Variants in ROBO2 observed in about 807,000 individuals in gnomAD.
The protein encoded by ROBO2 is roundabout guidance receptor 2, also known as roundabout homolog 2.
Under a neutral mutation model 160.8 loss-of-function variants are expected in ROBO2, and 53 were observed. The ratio of observed to expected loss-of-function variants is 0.33; its 90% CI spans 0.26 to 0.41. The LOEUF (loss-of-function observed/expected upper bound fraction) is 0.41. Among genes scored for constraint, ROBO2 ranks in the 10% least tolerant of loss-of-function variants. The probability of loss-of-function intolerance (pLI) is 1.00; values close to 1 mark genes in which losing one functional copy is unlikely to be tolerated. For missense variants in ROBO2, 1,577 were observed against 1,722.4 expected (o/e 0.92, Z 1.49); for synonymous variants, 664 against 611.7 (o/e 1.09, Z -1.26).
At chr3:77,188,630 T>C (rs2081506868) in intron 2 of ROBO2, among the ~76,000 whole-genome samples, 1 of 151,884 alleles carries the variant, frequency 6.6e-6, no homozygotes, top group Non-Finnish European at 1.5e-5. Context: ...ATACACCCTT[T>C]TCAGGATAAA....
chr3:77,452,250 G>C (rs1056661248), intron 2 of ROBO2, among the ~76,000 whole-genome samples: 1 of 152,100 alleles, frequency 6.6e-6, no homozygotes, highest in African/African-American at 2.4e-5. Context: ...CTCATTCATC[G>C]TGAGCAGAAG....
At chr3:77,481,101 C>A (rs753038257) in exon 4 of ROBO2, 10 of 1,611,460 alleles carry the variant, frequency 6.2e-6, no homozygotes, top group Non-Finnish European at 8.5e-6. Flanking sequence ...TTTAACAGAT[C>A]CGTGGTGGAA....
intron 2 of ROBO2, among the ~76,000 whole-genome samples, chr3:76,602,422 C>T (rs776436381): frequency 1.1e-4 from 16 of 152,100 alleles, no homozygotes; most frequent in Admixed American, 3.3e-4. Flanking sequence ...AAAGGCATAC[C>T]CAAGACCTGG....
At chr3:77,606,830 T>G (rs953746630) in intron 20 of ROBO2, among the ~76,000 whole-genome samples, 16 of 152,192 alleles carry the variant, frequency 1.1e-4, no homozygotes, top group Non-Finnish European at 2.4e-4. Context: ...GTAAGATTTT[T>G]GGCAGATATT....
At chr3:77,046,305 AT>A (rs2064663941) in intron 1 of ROBO2, among the ~76,000 whole-genome samples, 1 of 152,206 alleles carries the variant, frequency 6.6e-6, no homozygotes, top group South Asian at 2.1e-4. Context: ...AAGTGAAACA[AT>A]TTTATATTAT....
At chr3:76,493,013 T>G (rs2079919282) in intron 2 of ROBO2, among the ~76,000 whole-genome samples, 1 of 152,054 alleles carries the variant, frequency 6.6e-6, no homozygotes, top group Non-Finnish European at 1.5e-5. Context: ...AGTTGAAGTA[T>G]TTGCACTCAC....
At chr3:76,041,925 C>T (rs867472028) in intron 2 of ROBO2, among the ~76,000 whole-genome samples, 9 of 150,700 alleles carry the variant, frequency 6.0e-5, no homozygotes, top group South Asian at 4.2e-4. Context: ...TCTTGATCAT[C>T]GGAAATCTCA....
Position 76,577,697 on chromosome 3 carries a change from C to T in ROBO2, c.110-520317C>T, listed in dbSNP as rs367714896. ...GGGAAGACATCTGAATTGAGGATTT[C>T]GATTTCTGCAGTATTTGGATTTAGA... is the stretch of plus-strand genomic sequence containing the variant. On this transcript the variant is annotated intron_variant, in intron 2 of 26. Coordinates refer to the ROBO2 transcript ENST00000487694. Among the ~76,000 whole-genome samples the T allele has an allele frequency of 2.7e-4, 41 of 152,174 alleles. 1 individual carries two copies. In the South Asian group the frequency reaches 2.7e-3, roughly 10 times the overall value.
chr3:76,710,436 C>G (rs1032417542), intron 2 of ROBO2, among the ~76,000 whole-genome samples: 5 of 152,066 alleles, frequency 3.3e-5, no homozygotes, highest in Non-Finnish European at 7.4e-5. Context: ...TTCTCATATT[C>G]AGAAAAAGGC....
chr3:77,218,921 A>T (rs980366937), intron 2 of ROBO2, among the ~76,000 whole-genome samples: 3 of 148,152 alleles, frequency 2.0e-5, no homozygotes, highest in Admixed American at 6.7e-5. Flanking sequence ...AATGAGTGGA[A>T]TTTTCATTTT....
intron 2 of ROBO2, among the ~76,000 whole-genome samples, chr3:76,080,708 C>G (rs977456554): frequency 6.6e-6 from 1 of 152,134 alleles, no homozygotes; most frequent in African/African-American, 2.4e-5. Flanking sequence ...ATTTCAGGGG[C>G]AAATTATCTG....
intron 2 of ROBO2, among the ~76,000 whole-genome samples, chr3:77,474,302 G>T (rs2153582587): frequency 6.6e-6 from 1 of 152,222 alleles, no homozygotes; most frequent in South Asian, 2.1e-4. Context: ...ATTACTCTGT[G>T]ATTCTCCTCA....
chr3:76,708,710 G>A (rs1203443993), intron 2 of ROBO2, among the ~76,000 whole-genome samples: 1 of 152,194 alleles, frequency 6.6e-6, no homozygotes, highest in Non-Finnish European at 1.5e-5. Context: ...TTTCCAGAAA[G>A]GAGTAATAAA....
intron 2 of ROBO2, among the ~76,000 whole-genome samples, chr3:76,327,771 G>C (rs899229458): frequency 2.6e-5 from 4 of 152,122 alleles, no homozygotes; most frequent in Non-Finnish European, 5.9e-5. Context: ...ATGATGTGCA[G>C]ATTTTGTGAG....
Position 77,557,974 on chromosome 3 carries a change from T to C in ROBO2, c.1262T>C (p.Leu421Pro). 2 of 1,613,062 alleles carry C rather than the reference T, an allele frequency of 1.2e-6. No homozygotes were observed. Among genetic ancestry groups the C allele is most frequent in the Non-Finnish European group, 1.7e-6 (2 of 1,179,318 alleles). The change falls in exon 9 of 26, where the codon CTA becomes CCA. Residue 421 changes from leucine to proline, a missense_variant. By Grantham distance (98) the Leu-to-Pro change is moderately conservative. Transcript: ENST00000461745. ...ACAGATAGACCTCCACCTATAATTC[T>C]ACAAGGCCCAGCCAACCAAACGCTG...
chr3:77,297,549 A>T (rs1190888123), intron 2 of ROBO2, among the ~76,000 whole-genome samples: 1 of 152,152 alleles, frequency 6.6e-6, no homozygotes, highest in Non-Finnish European at 1.5e-5. Flanking sequence ...GTGATGGACG[A>T]AATGAGGGAA....
chr3:77,269,185 A>G (rs2059328757), intron 2 of ROBO2, among the ~76,000 whole-genome samples: 1 of 152,204 alleles, frequency 6.6e-6, no homozygotes, highest in Admixed American at 6.5e-5. Flanking sequence ...CAATTAAAAG[A>G]AAGATGAAAT....
At chr3:76,191,088 T>A (rs1701983505) in intron 2 of ROBO2, among the ~76,000 whole-genome samples, 1 of 152,108 alleles carries the variant, frequency 6.6e-6, no homozygotes, top group South Asian at 2.1e-4. Flanking sequence ...ATTTAACAAC[T>A]CTTAAGTGGT....
chr3:76,676,236 C>T (rs958646906), intron 2 of ROBO2, among the ~76,000 whole-genome samples: 4 of 151,788 alleles, frequency 2.6e-5, no homozygotes, highest in African/African-American at 9.7e-5. Flanking sequence ...GGCGATTTCC[C>T]CGTGCTGTTC....
Sources: gnomAD v4.1 joint callset for allele counts (sites outside exome capture counted in the v4.1 genomes callset) on GRCh38, gnomAD v4.1.1 for gene constraint, MANE v1.5 for transcripts, NCBI Gene and HGNC (gene_info 2026-07-23, HGNC 2026-07-21) for gene names.